Variants in ATP9B observed in about 807,000 individuals in gnomAD.
ATP9B encodes ATPase phospholipid transporting 9B.
Under a neutral mutation model 146.1 loss-of-function variants are expected in ATP9B, and 110 were observed. The ratio of observed to expected loss-of-function variants is 0.75; its 90% CI spans 0.65 to 0.88. The LOEUF (loss-of-function observed/expected upper bound fraction) is 0.88. ATP9B is among the 40% of genes least tolerant of loss of function. The probability of loss-of-function intolerance (pLI) is 0.00; values close to 1 mark genes in which losing one functional copy is unlikely to be tolerated. For missense variants in ATP9B, 1,499 were observed against 1,496.4 expected (o/e 1.00, Z -0.03); for synonymous variants, 604 against 569.7 (o/e 1.06, Z -0.86).
intron 12 of ATP9B, among the ~76,000 whole-genome samples, chr18:79,273,215 A>G (rs566442635): frequency 6.6e-6 from 1 of 152,338 alleles, no homozygotes; most frequent in South Asian, 2.1e-4. Context: ...TGAATCTAAG[A>G]TATCTCATAG....
intron 1 of ATP9B, among the ~76,000 whole-genome samples, chr18:79,095,401 C>G (rs1230689030): frequency 6.6e-6 from 1 of 152,142 alleles, no homozygotes; most frequent in Non-Finnish European, 1.5e-5. Context: ...GCTAGGGCCC[C>G]CAGTCCTGTT....
chr18:79,203,330 G>GCACC (rs1473806127), intron 9 of ATP9B, among the ~76,000 whole-genome samples: 8 of 148,770 alleles, frequency 5.4e-5, no homozygotes, highest in African/African-American at 2.0e-4. Context: ...AGGCAGGAGG[G>GCACC]CGTAGAGGAG....
At chr18:79,220,894 C>T (rs1472696832) in intron 11 of ATP9B, among the ~76,000 whole-genome samples, 1 of 152,182 alleles carries the variant, frequency 6.6e-6, no homozygotes, top group East Asian at 1.9e-4. Context: ...GCCCTGCTGC[C>T]TCTGACTTGC....
intron 1 of ATP9B, among the ~76,000 whole-genome samples, chr18:79,076,365 C>A (rs765248718): frequency 5.3e-5 from 8 of 152,128 alleles, no homozygotes; most frequent in Non-Finnish European, 8.8e-5. Flanking sequence ...TCTTTGTTTT[C>A]CTTCATCTGA....
intron 26 of ATP9B, chr18:79,363,569 C>T (rs945312627): frequency 2.6e-5 from 4 of 152,216 alleles, no homozygotes; most frequent in Middle Eastern, 3.2e-3. Flanking sequence ...AACCCATATT[C>T]CTGGATTGAG....
chr18:79,298,461 T>TAGACC (rs2096568276), intron 13 of ATP9B, among the ~76,000 whole-genome samples: 1 of 146,522 alleles, frequency 6.8e-6, no homozygotes, highest in Non-Finnish European at 1.5e-5. Context: ...GAAACCAAAA[T>TAGACC]AGACCGAAAT....
chr18:79,082,462 G>A (rs1264903615), intron 1 of ATP9B, among the ~76,000 whole-genome samples: 1 of 152,192 alleles, frequency 6.6e-6, no homozygotes, highest in Non-Finnish European at 1.5e-5. Context: ...GAGGAGTTGT[G>A]ATCCTTTGGA....
At chr18:79,155,762 T>G (rs1299224389) in intron 7 of ATP9B, among the ~76,000 whole-genome samples, 1 of 130,284 alleles carries the variant, frequency 7.7e-6, no homozygotes, top group African/African-American at 2.9e-5. Context: ...TCTTTTTTTT[T>G]TTTTTTTTTT....
intron 9 of ATP9B, among the ~76,000 whole-genome samples, chr18:79,200,795 G>GGGGTCAGAGCAGAGGTGGAGGTGGGAAC (rs2095478744): frequency 2.1e-3 from 1 of 478 alleles, no homozygotes; most frequent in African/African-American, 5.4e-3. Context: ...TGGTGGAATT[G>GGGGTCAGAGCAGAGGTGGAGGTGGGAAC]TTTTCATCAG....
intron 25 of ATP9B, among the ~76,000 whole-genome samples, chr18:79,348,423 A>C (rs2096904109): frequency 6.6e-6 from 1 of 152,138 alleles, no homozygotes; most frequent in Non-Finnish European, 1.5e-5. Flanking sequence ...TTCAAGTGGA[A>C]GCCATAGTTT....
At chr18:79,149,267 G>C (rs1209007288) in intron 6 of ATP9B, among the ~76,000 whole-genome samples, 1 of 152,166 alleles carries the variant, frequency 6.6e-6, no homozygotes, top group Non-Finnish European at 1.5e-5. Context: ...TGATGTGAAG[G>C]CATATTGCGT....
chr18:79,196,571 G>T (rs983773147), intron 9 of ATP9B, among the ~76,000 whole-genome samples: 2 of 152,220 alleles, frequency 1.3e-5, no homozygotes, highest in African/African-American at 4.8e-5. Context: ...AGCAAGGAGA[G>T]TAGGATGAAG....
At chr18:79,196,134 A>G (rs1212799811) in intron 9 of ATP9B, among the ~76,000 whole-genome samples, 1 of 152,212 alleles carries the variant, frequency 6.6e-6, no homozygotes, top group Non-Finnish European at 1.5e-5. Context: ...GGAGCCATAC[A>G]AGAGCAGCAC....
At chr18:79,087,661 A>G (rs1227106423) in intron 1 of ATP9B, 4 of 152,242 alleles carry the variant, frequency 2.6e-5, no homozygotes, top group African/African-American at 9.6e-5. Flanking sequence ...AATAAGGCTT[A>G]GATATTTAAG....
chr18:79,291,988 A>T (rs2096508358), intron 13 of ATP9B, among the ~76,000 whole-genome samples: 1 of 152,130 alleles, frequency 6.6e-6, no homozygotes, highest in African/African-American at 2.4e-5. Context: ...AATGAGTCAG[A>T]CCTATGCAGT....
At chr18:79,101,945 TA>T (rs1333293238) in intron 2 of ATP9B, among the ~76,000 whole-genome samples, 3 of 147,522 alleles carry the variant, frequency 2.0e-5, no homozygotes, top group Non-Finnish European at 3.0e-5. Context: ...CTTTTTATTT[TA>T]TTTTTTTTCT....
At chr18:79,337,169 G>A in intron 18 of ATP9B, 110 bp from the exon 19 acceptor site, 1 of 1,379,098 alleles carries the variant, frequency 7.3e-7, no homozygotes, top group Middle Eastern at 1.9e-4. Context: ...GTACACGTGT[G>A]CACATAGTCA....
chr18:79,267,435 A>G (rs578199476), intron 12 of ATP9B, among the ~76,000 whole-genome samples: 26 of 151,794 alleles, frequency 1.7e-4, no homozygotes, highest in Admixed American at 7.9e-4. Flanking sequence ...TTACTTATCT[A>G]TTTCCTCCTT....
chr18:79,106,286 C>T (rs2075644560), intron 2 of ATP9B, among the ~76,000 whole-genome samples: 1 of 152,174 alleles, frequency 6.6e-6, no homozygotes, highest in South Asian at 2.1e-4. Context: ...TTTGCTTCTC[C>T]CTCGTTGTGC....
Sources: gnomAD v4.1 joint callset for allele counts (sites outside exome capture counted in the v4.1 genomes callset) on GRCh38, gnomAD v4.1.1 for gene constraint, MANE v1.5 for transcripts, NCBI Gene and HGNC (gene_info 2026-07-23, HGNC 2026-07-21) for gene names.